Variants in FSTL5 observed in about 807,000 individuals in gnomAD.
The protein encoded by FSTL5 is follistatin-related protein 5.
Under a neutral mutation model 89.1 loss-of-function variants are expected in FSTL5, and 62 were observed. That is an observed-to-expected ratio of 0.70 (90% CI 0.57 to 0.86). FSTL5 has a LOEUF of 0.86. Among genes scored for constraint, FSTL5 ranks in the 40% least tolerant of loss-of-function variants. The pLI is 0.00. For synonymous variants in FSTL5, 383 were observed against 346.2 expected (o/e 1.11, Z -1.18); for missense variants, 1,057 against 1,001.6 (o/e 1.06, Z -0.75).
At chr4:161,438,214 G>C (rs1264886791) in intron 15 of FSTL5, among the ~76,000 whole-genome samples, 1 of 152,196 alleles carries the variant, frequency 6.6e-6, no homozygotes, top group East Asian at 1.9e-4. Flanking sequence ...TTAAATAGCT[G>C]TCTATAAAAG....
chr4:161,985,501 T>A (rs2111060979), intron 3 of FSTL5, among the ~76,000 whole-genome samples: 1 of 152,144 alleles, frequency 6.6e-6, no homozygotes, highest in South Asian at 2.1e-4. Context: ...GAAATCTGTT[T>A]TTGAACAAGA....
intron 3 of FSTL5, among the ~76,000 whole-genome samples, chr4:161,990,673 T>C (rs1359483559): frequency 6.6e-6 from 1 of 152,110 alleles, no homozygotes; most frequent in Non-Finnish European, 1.5e-5. Context: ...GAACAGAGAC[T>C]CTACAGTATA....
Position 161,528,920 on chromosome 4 carries a change from T to C in FSTL5, c.1312+9246A>G, listed in dbSNP as rs1349476255. 7.7e-5 allele frequency among the ~76,000 whole-genome samples: 11 copies of C among 142,526 alleles called. 2 individuals are homozygous for C. Among genetic ancestry groups the C allele is most frequent in the Admixed American group, 4.5e-4 (6 of 13,252 alleles). 93.5% of individuals were successfully genotyped at this position (142,526 alleles called of 152,430 possible). The stretch of plus-strand genomic sequence containing the variant: ...CAGCACTGTCACTATATGTTAAGTG[T>C]ATTCAGTCCACATGCCTAAAGTCAT... On this transcript the variant is annotated intron_variant, in intron 10 of 15. Transcript: ENST00000306100.
intron 13 of FSTL5, among the ~76,000 whole-genome samples, chr4:161,479,179 A>ATAT (rs753238192): frequency 2.6e-5 from 4 of 152,116 alleles, no homozygotes; most frequent in Non-Finnish European, 5.9e-5. Flanking sequence ...TGATTGTATC[A>ATAT]TATTATTATC....
chr4:161,862,187 A>T (rs732223), intron 4 of FSTL5, among the ~76,000 whole-genome samples: 33,809 of 152,198 alleles, frequency 0.22, 4,022 homozygotes, highest in African/African-American at 0.3. Flanking sequence ...GCTTTTTAGT[A>T]GTTAAAATAA....
intron 3 of FSTL5, among the ~76,000 whole-genome samples, chr4:162,010,144 A>G (rs1056961247): frequency 1.3e-5 from 2 of 152,088 alleles, no homozygotes; most frequent in African/African-American, 4.8e-5. Context: ...GGAGTTCAGG[A>G]GACAGCACTA....
At chr4:161,698,464 A>G (rs1738263612) in intron 6 of FSTL5, among the ~76,000 whole-genome samples, 1 of 152,318 alleles carries the variant, frequency 6.6e-6, no homozygotes, top group East Asian at 1.9e-4. Flanking sequence ...TTGTGACTAT[A>G]GTCAATGATG....
chr4:161,424,408 GTT>G (rs928290820), intron 15 of FSTL5, among the ~76,000 whole-genome samples: 1 of 142,474 alleles, frequency 7.0e-6, no homozygotes. Flanking sequence ...AAGGCAACTA[GTT>G]TTTTTTTTTT....
chr4:161,493,546 C>A (rs1729957425), intron 12 of FSTL5, among the ~76,000 whole-genome samples: 1 of 151,686 alleles, frequency 6.6e-6, no homozygotes, highest in Non-Finnish European at 1.5e-5. Flanking sequence ...ACTAAGTATT[C>A]TTTAAGACAC....
intron 4 of FSTL5, among the ~76,000 whole-genome samples, chr4:161,786,634 G>A (rs946005894): frequency 3.9e-5 from 6 of 152,050 alleles, no homozygotes; most frequent in African/African-American, 1.4e-4. Context: ...GGATTACTCC[G>A]TGTTTTCAAG....
At chr4:161,969,068 G>T (rs943285944) in intron 3 of FSTL5, among the ~76,000 whole-genome samples, 2 of 151,588 alleles carry the variant, frequency 1.3e-5, no homozygotes, top group Admixed American at 6.6e-5. Context: ...AGTTTTTACC[G>T]CATTGACTGG....
intron 7 of FSTL5, among the ~76,000 whole-genome samples, chr4:161,639,710 C>T (rs1214498502): frequency 2.0e-5 from 3 of 152,144 alleles, no homozygotes; most frequent in African/African-American, 7.2e-5. Context: ...GCAGCCACCC[C>T]TTCCCTGGCA....
At chr4:161,746,111 T>C (rs1369633419) in intron 6 of FSTL5, among the ~76,000 whole-genome samples, 1 of 152,098 alleles carries the variant, frequency 6.6e-6, no homozygotes, top group African/African-American at 2.4e-5. Context: ...CTACAATACA[T>C]TGTTAAATAA....
At chr4:162,141,266 A>G (rs4302428) in intron 1 of FSTL5, among the ~76,000 whole-genome samples, 84,565 of 86,046 alleles carry the variant, frequency 0.98, 41,638 homozygotes, top group Middle Eastern at 1. Flanking sequence ...ACAGGCGCGC[A>G]CCACCATGCC....
intron 4 of FSTL5, among the ~76,000 whole-genome samples, chr4:161,850,547 G>A (rs1176098605): frequency 6.6e-6 from 1 of 152,000 alleles, no homozygotes; most frequent in African/African-American, 2.4e-5. Context: ...TCTTCCCAGT[G>A]GAGAAGAATC....
chr4:161,673,727 A>G (rs1421194990), intron 6 of FSTL5, among the ~76,000 whole-genome samples: 2 of 151,970 alleles, frequency 1.3e-5, no homozygotes, highest in African/African-American at 4.8e-5. Context: ...TAATTTTGTG[A>G]TATGAAGTAC....
intron 15 of FSTL5, among the ~76,000 whole-genome samples, chr4:161,396,138 G>T (rs1290817607): frequency 6.6e-6 from 1 of 150,854 alleles, no homozygotes; most frequent in Non-Finnish European, 1.5e-5. Flanking sequence ...AAAAAACACT[G>T]CGAGAGAAGC....
At chr4:161,945,368 G>A (rs1734706803) in intron 3 of FSTL5, among the ~76,000 whole-genome samples, 1 of 152,110 alleles carries the variant, frequency 6.6e-6, no homozygotes, top group Admixed American at 6.6e-5. Flanking sequence ...CGGCACATAA[G>A]GATTTGACAT....
intron 8 of FSTL5, among the ~76,000 whole-genome samples, chr4:161,574,395 T>C (rs953330795): frequency 1.3e-5 from 2 of 151,564 alleles, no homozygotes; most frequent in Non-Finnish European, 2.9e-5. Flanking sequence ...GTGCAGGACA[T>C]GCAGGTTTGT....
Sources: allele counts gnomAD v4.1 joint callset (sites outside exome capture counted in the v4.1 genomes callset), GRCh38; gene constraint gnomAD v4.1.1; transcripts MANE v1.5; gene names NCBI Gene and HGNC (gene_info 2026-07-23, HGNC 2026-07-21).